ZNF248: variants seen among roughly 807,000 people sequenced by gnomAD.
The protein encoded by ZNF248 is KRAB protein domain.
Under a neutral mutation model 44.3 loss-of-function variants are expected in ZNF248, and 20 were observed. That is an observed-to-expected ratio of 0.45 (90% CI 0.32 to 0.66). The LOEUF (loss-of-function observed/expected upper bound fraction) is 0.66. ZNF248 is among the 30% of genes least tolerant of loss of function. ZNF248 has a pLI of 0.04. For synonymous variants in ZNF248, 224 were observed against 229.0 expected (o/e 0.98, Z 0.20); for missense variants, 654 against 677.0 (o/e 0.97, Z 0.38).
chr10:37,838,182 A>G (rs577117323), intron 3 of ZNF248, 71 bp from the exon 4 acceptor site: 1 of 1,427,576 alleles, frequency 7.0e-7, no homozygotes, highest in African/African-American at 1.4e-5. Context: ...AAGAGAACTA[A>G]TCTCTTTAGA....
chr10:37,788,925 G>A (rs2048196759), intron 6 of ZNF248, among the ~76,000 whole-genome samples: 1 of 151,398 alleles, frequency 6.6e-6, no homozygotes, highest in Non-Finnish European at 1.5e-5. Context: ...AGGCTGGAGT[G>A]CAGTGGCACA....
chr10:37,760,610 C>T, the ZNF248 span, among the ~76,000 whole-genome samples: 65 of 152,258 alleles, frequency 4.3e-4, no homozygotes, highest in Non-Finnish European at 7.2e-4. Context: ...CTGAGGCAGG[C>T]GGATCACAAG....
chr10:37,854,579 T>C (rs1289902067), intron 3 of ZNF248, among the ~76,000 whole-genome samples: 2 of 152,218 alleles, frequency 1.3e-5, no homozygotes, highest in Non-Finnish European at 2.9e-5. Flanking sequence ...ACATATTCTA[T>C]GGGAGGAGCT....
At chr10:37,820,479 G>A in intron 6 of ZNF248, 1 of 1,597,228 alleles carries the variant, frequency 6.3e-7, no homozygotes, top group Non-Finnish European at 8.6e-7. Flanking sequence ...TGTTCTACTT[G>A]TCACAGTAAG....
At chr10:37,848,022 G>C (rs1201274797) in intron 3 of ZNF248, among the ~76,000 whole-genome samples, 1 of 152,132 alleles carries the variant, frequency 6.6e-6, no homozygotes, top group East Asian at 1.9e-4. Context: ...TGTAATCCCA[G>C]CACTTTGGGA....
chr10:37,759,489 G>C, the ZNF248 span, among the ~76,000 whole-genome samples: 1 of 152,180 alleles, frequency 6.6e-6, no homozygotes, highest in Non-Finnish European at 1.5e-5. Context: ...AGGAGCAGGG[G>C]ATGTGTTCCA....
In ZNF248 at chr10:37,828,914, C is replaced by G; in HGVS notation, c.*2701G>C. The G allele has an allele frequency of 1.0e-6, 1 of 985,352 alleles. No homozygotes were observed. Among genetic ancestry groups the G allele is most frequent in the Non-Finnish European group, 1.2e-6 (1 of 829,906 alleles). The allele number at this position is 985,352 out of a possible 1,614,324, so 61.0% of individuals were successfully genotyped here. The stretch of plus-strand genomic sequence containing the variant: ...GAAGGAGAGACATACCTGTGTAGTT[C>G]CAAAGGGAGTTTACTTATGCTAACA... On this transcript the variant is annotated 3_prime_UTR_variant, in exon 6 of 6. Transcript: ENST00000395867.
the ZNF248 span, among the ~76,000 whole-genome samples, chr10:37,764,566 T>C: frequency 1.3e-5 from 2 of 152,192 alleles, no homozygotes; most frequent in Non-Finnish European, 2.9e-5. Flanking sequence ...TTTTGTGGCC[T>C]GGGGGCATCA....
intron 3 of ZNF248, among the ~76,000 whole-genome samples, chr10:37,853,611 C>A (rs1350964364): frequency 6.6e-6 from 1 of 151,684 alleles, no homozygotes; most frequent in South Asian, 2.1e-4. Context: ...AACTCCCGAC[C>A]TCAGGTAATC....
chr10:37,778,828 G>A (rs2046930316), intron 6 of ZNF248, among the ~76,000 whole-genome samples: 1 of 152,022 alleles, frequency 6.6e-6, no homozygotes, highest in African/African-American at 2.4e-5. Flanking sequence ...ATGATAAAGG[G>A]GATATCACCA....
chr10:37,764,452 G>C, the ZNF248 span, among the ~76,000 whole-genome samples: 1 of 152,054 alleles, frequency 6.6e-6, no homozygotes, highest in African/African-American at 2.4e-5. Context: ...GCCTCCATTT[G>C]CCTTGTAATA....
At chr10:37,851,255 T>C (rs988361713) in intron 3 of ZNF248, among the ~76,000 whole-genome samples, 2 of 152,160 alleles carry the variant, frequency 1.3e-5, no homozygotes, top group Non-Finnish European at 2.9e-5. Context: ...AGACAAAAGG[T>C]ATCCTTGCCT....
At chr10:37,762,484 T>C in the ZNF248 span, among the ~76,000 whole-genome samples, 1 of 152,172 alleles carries the variant, frequency 6.6e-6, no homozygotes, top group East Asian at 1.9e-4. Flanking sequence ...TTAACCACTG[T>C]ATCAGGGGTA....
At chr10:37,850,315 C>A (rs1191915693) in intron 3 of ZNF248, among the ~76,000 whole-genome samples, 1 of 152,114 alleles carries the variant, frequency 6.6e-6, no homozygotes, top group Non-Finnish European at 1.5e-5. Flanking sequence ...ATGCTAACTT[C>A]AGGGAAAGGA....
rs1297872834 is a variant in ZNF248 at position 37,832,007 on chromosome 10, T to G, written c.1348A>C (p.Asn450His). Residue 450 changes from asparagine (N) to histidine (H), a missense_variant, in exon 6 of 6, where the codon AAC becomes CAC. By Grantham distance (68) the Asn-to-His change is moderately conservative. Transcript: ENST00000395867. ...QCGKTFCVKS[N>H]LTEHQRTHTG... is the part of the protein sequence containing the mutation. Reference sequence around the variant, plus strand: ...TGTGTTCTCTGATGTTCAGTGAGGTTTGACTTCACACAGAATGTTTTTCCA... The same window carrying G: ...TGTGTTCTCTGATGTTCAGTGAGGTGTGACTTCACACAGAATGTTTTTCCA... 1 of 1,613,986 alleles carries G rather than the reference T, an allele frequency of 6.2e-7. No homozygotes were observed. The highest frequency in any genetic ancestry group is 8.5e-7 in the Non-Finnish European group (1 of 1,179,958).
chr10:37,856,273 G>A, intron 3 of ZNF248, 23 bp downstream of exon 3: 2 of 1,609,912 alleles, frequency 1.2e-6, no homozygotes, highest in African/African-American at 1.3e-5. Flanking sequence ...AACAAACTGG[G>A]AATAAAGAAA....
intron 6 of ZNF248, among the ~76,000 whole-genome samples, chr10:37,781,313 G>A (rs577436769): frequency 2.0e-5 from 3 of 152,296 alleles, no homozygotes; most frequent in Admixed American, 6.5e-5. Context: ...ACTACCTGCT[G>A]TTATAATGTA....
intron 3 of ZNF248, among the ~76,000 whole-genome samples, chr10:37,845,353 A>C (rs1218640161): frequency 6.6e-6 from 1 of 151,918 alleles, no homozygotes; most frequent in East Asian, 1.9e-4. Flanking sequence ...TCTTCCAAAA[A>C]AAAGGCAGAG....
downstream of ZNF248, among the ~76,000 whole-genome samples, chr10:37,826,437 T>C (rs1159195130): frequency 6.6e-6 from 1 of 152,210 alleles, no homozygotes; most frequent in Non-Finnish European, 1.5e-5. Context: ...CTCCATGTTG[T>C]TTCATGGTTA....
Sources: allele counts gnomAD v4.1 joint callset (sites outside exome capture counted in the v4.1 genomes callset), GRCh38; gene constraint gnomAD v4.1.1; transcripts MANE v1.5; gene names NCBI Gene and HGNC (gene_info 2026-07-23, HGNC 2026-07-21).